Variants in DMD observed in about 807,000 individuals in gnomAD.
The protein encoded by DMD is mutant dystrophin.
In DMD, 63 loss-of-function variants were observed where a neutral mutation model predicts 330.1. The observed-to-expected ratio is 0.19, with a 90% CI of 0.16 to 0.24. The LOEUF is 0.24. DMD is among the 10% of genes least tolerant of loss of function. The pLI is 1.00. For missense variants in DMD, 3,344 were observed against 2,684.1 expected, an observed-to-expected ratio of 1.25 and a Z score of -5.43; for synonymous variants, 1,223 against 959.8, an observed-to-expected ratio of 1.27 and a Z score of -5.07.
chrX:32,320,135 C>T (rs2097604755), intron 41 of DMD, among the ~76,000 whole-genome samples: 1 of 110,956 alleles, frequency 9.0e-6, no homozygotes, highest in Non-Finnish European at 1.9e-5. Context: ...ACTTCTGTTG[C>T]CTTGTGGATC....
At chrX:31,627,996 T>C in intron 54 of DMD, 134 bp from the exon 55 acceptor site, 1 of 603,505 alleles carries the variant, frequency 1.7e-6, no homozygotes, top group Non-Finnish European at 2.7e-6. Context: ...GCTACAGCTC[T>C]TCCTTTAAGC....
At chrX:33,084,022 C>A (rs963419079) in intron 1 of DMD, among the ~76,000 whole-genome samples, 1 of 111,841 alleles carries the variant, frequency 8.9e-6, no homozygotes, top group Non-Finnish European at 1.9e-5. Context: ...AGATAGACAC[C>A]CCACCATGAG....
At chrX:32,997,596 G>A (rs2093159552) in intron 2 of DMD, among the ~76,000 whole-genome samples, 1 of 111,918 alleles carries the variant, frequency 8.9e-6, no homozygotes, top group African/African-American at 3.2e-5. Context: ...CTATGTTCAT[G>A]AAAATATGCC....
At chrX:31,599,562 C>T (rs1048236998) in intron 55 of DMD, among the ~76,000 whole-genome samples, 10 of 112,159 alleles carry the variant, frequency 8.9e-5, no homozygotes, top group African/African-American at 3.2e-4. Context: ...ATTAGAAAGA[C>T]AATTGTATAT....
intron 60 of DMD, among the ~76,000 whole-genome samples, chrX:31,393,495 A>AC (rs1417484222): frequency 1.0e-4 from 10 of 98,111 alleles, no homozygotes; most frequent in African/African-American, 2.6e-4. Context: ...AAAAAAACAA[A>AC]AAAAAAAAAC....
chrX:31,606,887 T>C (rs758639636), intron 55 of DMD, among the ~76,000 whole-genome samples: 1 of 111,964 alleles, frequency 8.9e-6, no homozygotes, highest in Non-Finnish European at 1.9e-5. Context: ...TATATAAATC[T>C]CTGGAAGAGA....
chrX:31,530,534 A>G (rs981842583), intron 55 of DMD, among the ~76,000 whole-genome samples: 1 of 110,120 alleles, frequency 9.1e-6, no homozygotes, highest in African/African-American at 3.3e-5. Flanking sequence ...ACATTAATAC[A>G]TTGATTAGTT....
Position 31,716,854 on chromosome X carries a change from CACAT to C in DMD, c.7660+12773_7660+12776del, listed in dbSNP as rs745369029. Among the ~76,000 whole-genome samples the C allele has an allele frequency of 8.5e-3, 791 of 92,681 alleles. 25 individuals carry two copies. Among genetic ancestry groups the C allele is most frequent in the Admixed American group, 0.075 (649 of 8,658 alleles). 80.5% of individuals were successfully genotyped at this position (92,681 alleles called of 115,157 possible). ...ACACACACACACACACACACACACA[CACAT>C]ATATATATATATATACACATATATT... On this transcript the variant is annotated intron_variant, in intron 52 of 78. Coordinates refer to ENST00000357033, the MANE Select transcript of DMD (RefSeq NM_004006.3).
chrX:32,411,683 G>T, intron 30 of DMD, 69 bp downstream of exon 30: 1 of 1,133,567 alleles, frequency 8.8e-7, no homozygotes, highest in Non-Finnish European at 1.2e-6. Context: ...TTTAAAGTTA[G>T]AAACACTGCA....
chrX:32,191,240 G>C (rs1224981720), intron 44 of DMD, among the ~76,000 whole-genome samples: 1 of 111,692 alleles, frequency 9.0e-6, no homozygotes, highest in African/African-American at 3.3e-5. Context: ...TTCAGCACAA[G>C]TTTAAATTTT....
intron 7 of DMD, among the ~76,000 whole-genome samples, chrX:32,724,339 C>G (rs1026181355): frequency 9.0e-6 from 1 of 111,500 alleles, no homozygotes; most frequent in African/African-American, 3.2e-5. Context: ...AATTTCTGTT[C>G]AGTTCTTATC....
chrX:32,698,519 C>T (rs111765391), intron 8 of DMD, among the ~76,000 whole-genome samples: 5,490 of 111,409 alleles, frequency 0.049, 304 homozygotes, highest in African/African-American at 0.17. Flanking sequence ...AGGAAAACAT[C>T]CAAACCACCC....
intron 51 of DMD, among the ~76,000 whole-genome samples, chrX:31,745,979 A>G (rs1477404859): frequency 2.7e-5 from 3 of 111,873 alleles, no homozygotes; most frequent in African/African-American, 9.7e-5. Flanking sequence ...ACTAGACCTG[A>G]TATTTTTCTT....
chrX:32,776,286 C>G (rs764116084), intron 7 of DMD, among the ~76,000 whole-genome samples: 3 of 108,412 alleles, frequency 2.8e-5, no homozygotes, highest in Non-Finnish European at 3.8e-5. Flanking sequence ...CTTCTGACCC[C>G]CCCCCCAAAT....
chrX:32,770,956 G>C (rs906412229), intron 7 of DMD, among the ~76,000 whole-genome samples: 1 of 111,410 alleles, frequency 9.0e-6, no homozygotes, highest in Non-Finnish European at 1.9e-5. Context: ...TTTAAAAATA[G>C]AGTTGAATGA....
intron 2 of DMD, among the ~76,000 whole-genome samples, chrX:32,990,827 A>G: frequency 9.0e-6 from 1 of 111,599 alleles, no homozygotes; most frequent in Admixed American, 9.6e-5. Context: ...TTTGTGTCAC[A>G]CAAGGAGAAA....
chrX:32,161,658 G>C (rs2096849780), intron 44 of DMD, among the ~76,000 whole-genome samples: 2 of 111,745 alleles, frequency 1.8e-5, no homozygotes, highest in Admixed American at 1.9e-4. Flanking sequence ...CATCACAGTA[G>C]TCACTAATAT....
At chrX:32,878,116 C>A (rs932555321) in intron 2 of DMD, among the ~76,000 whole-genome samples, 4 of 112,368 alleles carry the variant, frequency 3.6e-5, no homozygotes, top group Non-Finnish European at 7.5e-5. Flanking sequence ...TGGCTCACGC[C>A]TGTAATCCCA....
chrX:33,240,422 A>G (rs957472355), intron 1 of DMD, among the ~76,000 whole-genome samples: 1 of 111,828 alleles, frequency 8.9e-6, no homozygotes, highest in African/African-American at 3.3e-5. Context: ...ACAGTATTCT[A>G]TTGTGTACGT....
Sources: allele counts gnomAD v4.1 joint callset (sites outside exome capture counted in the v4.1 genomes callset), GRCh38; gene constraint gnomAD v4.1.1; transcripts MANE v1.5; gene names NCBI Gene and HGNC (gene_info 2026-07-23, HGNC 2026-07-21).